JAKMIP2: variants seen among roughly 807,000 people sequenced by gnomAD.
JAKMIP2 encodes janus kinase and microtubule-interacting protein 2.
In JAKMIP2, 25 loss-of-function variants were observed where a neutral mutation model predicts 115.0. That is an observed-to-expected ratio of 0.22 (90% CI 0.16 to 0.30). JAKMIP2 has a LOEUF of 0.30. Ranked by LOEUF, JAKMIP2 falls within the 10% of genes least tolerant of loss-of-function variation. The probability of loss-of-function intolerance (pLI) is 1.00; values close to 1 mark genes in which losing one functional copy is unlikely to be tolerated. For synonymous variants in JAKMIP2, 334 were observed against 343.6 expected, an observed-to-expected ratio of 0.97 and a Z score of 0.31; for missense variants, 642 against 957.6, an observed-to-expected ratio of 0.67 and a Z score of 4.35.
chr5:147,742,412 C>T (rs1266500626), intron 1 of JAKMIP2, among the ~76,000 whole-genome samples: 5 of 152,002 alleles, frequency 3.3e-5, no homozygotes, highest in Non-Finnish European at 5.9e-5. Flanking sequence ...CTCATTCCTA[C>T]CTTCCTACAT....
chr5:147,650,550 G>A lies in JAKMIP2; in HGVS notation c.628-3C>T. The A allele has an allele frequency of 6.2e-7, 1 of 1,605,990 alleles. No individual in the cohort carries two copies. Among genetic ancestry groups the A allele is most frequent in the Non-Finnish European group, 8.5e-7 (1 of 1,173,808 alleles). ...TCCTTGGCTTTGATTTCATCCATCT[G>A]AATTAAATGAGACCCAGGACATTTT... On this transcript the variant is annotated splice_polypyrimidine_tract_variant and splice_region_variant and intron_variant, in intron 3 of 21. Transcript: ENST00000616793.
At position 147,627,678 on chromosome 5, in the gene JAKMIP2, T is replaced by TAAAAAAA. The variant is rs768481105; in HGVS notation, c.1995+1066_1995+1072dup. The stretch of plus-strand genomic sequence containing the variant: ...ATCTCTAACAGATAAAGCCTTTCTG[T>TAAAAAAA]AAAAAAAAAAAAAAAAAAAAAAAAA... On this transcript the variant is annotated intron_variant, in intron 16 of 21. Transcript: ENST00000616793. Among the ~76,000 whole-genome samples, 21 of 70,326 alleles carry TAAAAAAA rather than the reference T, an allele frequency of 3.0e-4. 2 individuals carry two copies. The highest frequency in any genetic ancestry group is 1.2e-3 in the African/African-American group (21 of 17,660). 46.1% of individuals were successfully genotyped at this position (70,326 alleles called of 152,430 possible).
intron 4 of JAKMIP2, among the ~76,000 whole-genome samples, chr5:147,648,938 T>C (rs2126741626): frequency 6.6e-6 from 1 of 152,314 alleles, no homozygotes; most frequent in African/African-American, 2.4e-5. Flanking sequence ...TGTCAATTCC[T>C]TCATACTCCT....
intron 2 of JAKMIP2, among the ~76,000 whole-genome samples, chr5:147,671,088 C>T (rs1251224833): frequency 1.3e-5 from 2 of 152,154 alleles, no homozygotes; most frequent in African/African-American, 4.8e-5. Context: ...CCAGGAAGAA[C>T]AAGTGCAAAG....
chr5:147,770,354 C>T (rs79329105), intron 1 of JAKMIP2, among the ~76,000 whole-genome samples: 3,756 of 152,038 alleles, frequency 0.025, 176 homozygotes, highest in African/African-American at 0.085. Context: ...AATGGGTTTA[C>T]ATAGACAAAC....
At chr5:147,727,898 C>T (rs2126960879) in intron 1 of JAKMIP2, among the ~76,000 whole-genome samples, 1 of 152,098 alleles carries the variant, frequency 6.6e-6, no homozygotes, top group East Asian at 1.9e-4. Flanking sequence ...TCTTGATGCA[C>T]ACATGAGAGG....
At chr5:147,674,393 T>G (rs1054088064) in intron 1 of JAKMIP2, among the ~76,000 whole-genome samples, 6 of 152,192 alleles carry the variant, frequency 3.9e-5, no homozygotes, top group Non-Finnish European at 8.8e-5. Context: ...TGTTGTCTTC[T>G]TGAATGAAGA....
chr5:147,602,499 C>T (rs180850537), intron 20 of JAKMIP2, among the ~76,000 whole-genome samples: 6 of 152,128 alleles, frequency 3.9e-5, no homozygotes, highest in African/African-American at 7.2e-5. Context: ...ATAATAAATG[C>T]GTGATGTTGT....
chr5:147,646,781 A>G (rs908653400), intron 5 of JAKMIP2, among the ~76,000 whole-genome samples: 7 of 150,932 alleles, frequency 4.6e-5, no homozygotes, highest in East Asian at 3.9e-4. Context: ...TTACCAGAGG[A>G]AAAAAAAAGC....
chr5:147,741,079 G>A (rs1007866710), intron 1 of JAKMIP2, among the ~76,000 whole-genome samples: 2 of 152,136 alleles, frequency 1.3e-5, no homozygotes, highest in Non-Finnish European at 2.9e-5. Flanking sequence ...AGGTCTGGAA[G>A]TGTATTACAG....
intron 1 of JAKMIP2, among the ~76,000 whole-genome samples, chr5:147,743,386 G>A (rs1184763009): frequency 6.6e-6 from 1 of 152,174 alleles, no homozygotes; most frequent in Non-Finnish European, 1.5e-5. Context: ...GTTTGTGGAG[G>A]AGAAATCTTT....
intron 1 of JAKMIP2, among the ~76,000 whole-genome samples, chr5:147,691,005 G>A (rs1751819215): frequency 6.6e-6 from 1 of 151,984 alleles, no homozygotes; most frequent in South Asian, 2.1e-4. Flanking sequence ...TTCCTCATGG[G>A]TTATCTCACC....
chr5:147,709,401 T>C (rs1752697388), intron 1 of JAKMIP2, among the ~76,000 whole-genome samples: 1 of 152,164 alleles, frequency 6.6e-6, no homozygotes, highest in African/African-American at 2.4e-5. Flanking sequence ...TTTCTATATA[T>C]AATAACAAAG....
chr5:147,686,690 A>G (rs1760588975), intron 1 of JAKMIP2, among the ~76,000 whole-genome samples: 1 of 152,222 alleles, frequency 6.6e-6, no homozygotes, highest in Non-Finnish European at 1.5e-5. Flanking sequence ...AGCACAGATG[A>G]CTACAGCATG....
chr5:147,764,577 A>G (rs1379917095), intron 1 of JAKMIP2, among the ~76,000 whole-genome samples: 1 of 151,934 alleles, frequency 6.6e-6, no homozygotes, highest in Non-Finnish European at 1.5e-5. Flanking sequence ...TTTTCAAGTG[A>G]TCCATAATCT....
chr5:147,616,241 C>T (rs1756574927), intron 19 of JAKMIP2, among the ~76,000 whole-genome samples: 1 of 152,094 alleles, frequency 6.6e-6, no homozygotes, highest in Non-Finnish European at 1.5e-5. Context: ...CCAATATCTT[C>T]TGGAATAATT....
chr5:147,644,123 GTTC>G lies in JAKMIP2; in HGVS notation c.1156_1158del (p.Glu386del), dbSNP rs1181592963. On this transcript the variant is annotated inframe_deletion, in exon 7 of 22. Transcript: ENST00000616793. ...TGAAGTTTTAGAAACTCTGTTTCTT[GTTC>G]TTCATTAGCTTGGTCGAGGTCATTC... The G allele has an allele frequency of 1.2e-6, 2 of 1,608,376 alleles. No individual in the cohort carries two copies. The highest frequency in any genetic ancestry group is 1.7e-6 in the Non-Finnish European group (2 of 1,176,240).
intron 1 of JAKMIP2, among the ~76,000 whole-genome samples, chr5:147,712,163 C>T (rs1240267823): frequency 1.3e-5 from 2 of 152,146 alleles, no homozygotes; most frequent in Admixed American, 6.5e-5. Context: ...TGCCGCCTGT[C>T]TTCTGTTCTG....
At chr5:147,749,303 C>G (rs990130861) in intron 1 of JAKMIP2, among the ~76,000 whole-genome samples, 3 of 151,880 alleles carry the variant, frequency 2.0e-5, no homozygotes, top group Non-Finnish European at 2.9e-5. Flanking sequence ...CTCAACACTA[C>G]TCATGCATTA....
Sources: allele counts gnomAD v4.1 joint callset (sites outside exome capture counted in the v4.1 genomes callset), GRCh38; gene constraint gnomAD v4.1.1; transcripts MANE v1.5; gene names NCBI Gene and HGNC (gene_info 2026-07-23, HGNC 2026-07-21).